KNDC1: variants seen among roughly 807,000 people sequenced by gnomAD.
KNDC1 encodes the protein kinase non-catalytic C-lobe domain containing 1, also known as kinase non-catalytic C-lobe domain-containing protein 1.
Under a neutral mutation model 172.8 loss-of-function variants are expected in KNDC1, and 106 were observed. That is an observed-to-expected ratio of 0.61 (90% CI 0.52 to 0.72). The LOEUF (loss-of-function observed/expected upper bound fraction) is 0.72. Ranked by LOEUF, KNDC1 falls within the 30% of genes least tolerant of loss-of-function variation. The pLI is 0.00. For synonymous variants in KNDC1, 1,083 were observed against 1,062.2 expected (o/e 1.02, Z -0.38); for missense variants, 2,325 against 2,394.5 (o/e 0.97, Z 0.61).
rs928736868 is a variant in KNDC1, at chr10:133,197,141, C to T, written c.1812+6C>T. 17 of 1,610,840 alleles carry T rather than the reference C, an allele frequency of 1.1e-5. No individual in the cohort carries two copies. The highest frequency in any genetic ancestry group is 1.3e-5 in the Non-Finnish European group (15 of 1,178,128). The stretch of plus-strand genomic sequence containing the variant: ...TCAGAGCTTCCATCTGCCAGGTGGG[C>T]TAGAACAGCCAGGCCGCCGCCTCCT... On this transcript the variant is annotated splice_donor_region_variant and intron_variant, in intron 11 of 29. Coordinates refer to ENST00000304613, the MANE Select transcript of KNDC1 (RefSeq NM_152643.8).
At chr10:133,221,941 G>T in intron 29 of KNDC1, among the ~76,000 whole-genome samples, 2 of 132,350 alleles carry the variant, frequency 1.5e-5, no homozygotes, top group Non-Finnish European at 1.6e-5. Flanking sequence ...AGCCACTCAC[G>T]CCTGTAACCC....
At chr10:133,208,099 G>T (rs1273109521) in intron 20 of KNDC1, among the ~76,000 whole-genome samples, 3 of 152,174 alleles carry the variant, frequency 2.0e-5, no homozygotes, top group African/African-American at 7.2e-5. Context: ...GGAGCCCCAA[G>T]GGTCCTCTCT....
intron 16 of KNDC1, among the ~76,000 whole-genome samples, chr10:133,201,150 AGAG>A (rs1854351724): frequency 6.6e-6 from 1 of 152,226 alleles, no homozygotes; most frequent in African/African-American, 2.4e-5. Context: ...CCAGAAGAAA[AGAG>A]GAGAGCGTGA....
chr10:133,184,284 C>G (rs1414199073), intron 5 of KNDC1, among the ~76,000 whole-genome samples: 2 of 131,004 alleles, frequency 1.5e-5, no homozygotes, highest in South Asian at 3.2e-4. Context: ...CACACACACG[C>G]TGCACACACA....
rs755569412 is a variant in KNDC1 at position 133,188,624 on chromosome 10, G to A, written c.1412G>A (p.Arg471His). Residue 471 changes from arginine to histidine, a missense_variant, in exon 7 of 30, where the codon CGC becomes CAC. By Grantham distance (29) the Arg-to-His change is conservative. Coordinates refer to ENST00000304613, the MANE Select transcript of KNDC1 (RefSeq NM_152643.8). The stretch of plus-strand genomic sequence containing the variant: ...TGGGCCCTGTGCCTGGCCTGCCTCC[G>A]CGCACTGCAGACACGCCCTGAGCAC... Reference protein sequence around the residue: ...ELWALCLACLRALQTRPEHPA... With the variant: ...ELWALCLACLHALQTRPEHPA... 4.0e-5 allele frequency: 64 copies of A among 1,595,358 alleles called. No homozygotes were observed. Among genetic ancestry groups the A allele is most frequent in the African/African-American group, 3.5e-4 (26 of 74,852 alleles).
intron 1 of KNDC1, among the ~76,000 whole-genome samples, chr10:133,165,114 C>A (rs4593923): frequency 0.2 from 30,344 of 152,190 alleles, 3,491 homozygotes; most frequent in East Asian, 0.47. Flanking sequence ...CGGAAGCCCA[C>A]CCTCTGGAAA....
Position 133,198,680 on chromosome 10 carries a change from C to G in KNDC1, c.2172C>G (p.Pro724=). 6.3e-7 allele frequency: 1 copy of G among 1,589,918 alleles called. No homozygotes were observed. Among genetic ancestry groups the G allele is most frequent in the Non-Finnish European group, 8.6e-7 (1 of 1,169,230 alleles). ...KLSLEAHAGS[P]SLKTPDGPVP... ...CCCTGGAGGCCCACGCTGGGTCCCC[C>G]AGCCTGAAGACGCCTGACGGGCCGG... Residue 724 remains proline, a synonymous_variant, in exon 14 of 30, where the codon CCC becomes CCG. Transcript: ENST00000304613.
chr10:133,190,482 G>A (rs965194387), intron 9 of KNDC1, among the ~76,000 whole-genome samples: 5 of 152,194 alleles, frequency 3.3e-5, no homozygotes, highest in African/African-American at 7.2e-5. Context: ...GGGAGGAGAC[G>A]GCAGCCGGCG....
At position 133,225,740 on chromosome 10, in the gene KNDC1, C is replaced by T; in HGVS notation, c.*850C>T. The T allele has an allele frequency of 6.5e-6, 1 of 153,414 alleles. No individual in the cohort carries two copies. The highest frequency in any genetic ancestry group is 1.5e-5 in the Non-Finnish European group (1 of 68,796). 9.5% of individuals were successfully genotyped at this position (153,414 alleles called of 1,614,324 possible). ...GCCACTGCCCACCGCCTCCAGCAGC[C>T]ATGCATGTGCGCCCGCAGCCCTGCC... On this transcript the variant is annotated 3_prime_UTR_variant, in exon 30 of 30. Coordinates refer to ENST00000304613, the MANE Select transcript of KNDC1 (RefSeq NM_152643.8).
intron 22 of KNDC1, 21 bp downstream of exon 22, chr10:133,211,590 G>A (rs1845365039): frequency 1.5e-5 from 24 of 1,608,238 alleles, no homozygotes; most frequent in Non-Finnish European, 2.0e-5. Context: ...CGCTGAGCTG[G>A]GCGGCCGCAC....
At chr10:133,188,761 C>T (rs1282957622) in intron 7 of KNDC1, 108 bp downstream of exon 7, 14 of 583,100 alleles carry the variant, frequency 2.4e-5, no homozygotes, top group East Asian at 8.8e-5. Flanking sequence ...CACCGTCCCA[C>T]GCCCCCCCAC....
chr10:133,169,355 G>C (rs868823102), intron 3 of KNDC1, among the ~76,000 whole-genome samples: 1 of 152,254 alleles, frequency 6.6e-6, no homozygotes, highest in East Asian at 1.9e-4. Context: ...AGCTACTCGG[G>C]AGTCTGAGGC....
chr10:133,184,636 G>A (rs927262521), intron 5 of KNDC1, among the ~76,000 whole-genome samples: 2 of 152,134 alleles, frequency 1.3e-5, no homozygotes, highest in Non-Finnish European at 1.5e-5. Flanking sequence ...CCTCACACGT[G>A]GTCAGACACG....
chr10:133,204,904 C>A (rs188021231), intron 17 of KNDC1, among the ~76,000 whole-genome samples: 4 of 151,614 alleles, frequency 2.6e-5, no homozygotes, highest in Non-Finnish European at 4.4e-5. Flanking sequence ...TGCCCCCAGC[C>A]AGGTGCCCCT....
intron 26 of KNDC1, among the ~76,000 whole-genome samples, chr10:133,217,935 C>G (rs1470263110): frequency 3.3e-5 from 5 of 152,124 alleles, no homozygotes; most frequent in Non-Finnish European, 7.4e-5. Context: ...ATTATCACGC[C>G]TGTAATCCCA....
chr10:133,221,930 C>T (rs1845599353), intron 29 of KNDC1, among the ~76,000 whole-genome samples: 1 of 72,634 alleles, frequency 1.4e-5, no homozygotes, highest in Non-Finnish European at 3.3e-5. Flanking sequence ...GGGCTGGGTG[C>T]AGCCACTCAC....
In KNDC1 at chr10:133,183,905, C is replaced by A; in HGVS notation, c.541C>A (p.Leu181Ile). ...CGCGCTGTGTGAAGAGAAGCTGCAG[C>A]TCACATCCTCCTGTCGCGTGTGCCG... ...IIALCEEKLQ[L>I]TSSCRVCRSL... is the part of the protein sequence containing the mutation. Residue 181 changes from leucine (L) to isoleucine (I), a missense_variant, in exon 5 of 30, where the codon CTC becomes ATC. Physicochemically the swap from Leu to Ile is conservative, Grantham distance 5. Coordinates refer to ENST00000304613, the MANE Select transcript of KNDC1 (RefSeq NM_152643.8). 6.2e-7 allele frequency: 1 copy of A among 1,602,454 alleles called. No individual in the cohort carries two copies.
intron 9 of KNDC1, among the ~76,000 whole-genome samples, chr10:133,192,348 C>T (rs574018403): frequency 1.9e-4 from 29 of 152,262 alleles, no homozygotes; most frequent in South Asian, 6.2e-4. Context: ...TAAGGCTGCA[C>T]GCCTACAATC....
intron 11 of KNDC1, 46 bp from the exon 12 acceptor site, chr10:133,197,629 C>T (rs774228352): frequency 1.7e-5 from 25 of 1,456,496 alleles, no homozygotes; most frequent in South Asian, 1.1e-4. Flanking sequence ...CCGGCGCTGG[C>T]GGAGCTCCGT....
Sources: allele counts gnomAD v4.1 joint callset (sites outside exome capture counted in the v4.1 genomes callset), GRCh38; gene constraint gnomAD v4.1.1; transcripts MANE v1.5; gene names NCBI Gene and HGNC (gene_info 2026-07-23, HGNC 2026-07-21).